MC2R: variants seen among roughly 807,000 people sequenced by gnomAD.
The protein encoded by MC2R is melanocortin 2 receptor.
In MC2R, 9 loss-of-function variants were observed where a neutral mutation model predicts 9.8. The observed-to-expected ratio is 0.92, with a 90% CI of 0.55 to 1.60. MC2R has a LOEUF of 1.60. MC2R is among the 40% of genes most tolerant of loss of function. MC2R has a pLI of 0.00. For missense variants in MC2R, 370 were observed against 389.0 expected (o/e 0.95, Z 0.41); for synonymous variants, 185 against 154.7 (o/e 1.20, Z -1.45).
Position 13,885,201 on chromosome 18 carries a change from G to A in MC2R, c.318C>T (p.Ile106=), listed in dbSNP as rs147706299. The change falls in exon 2 of 2, where the codon ATC becomes ATT. Residue 106 remains isoleucine (I), a synonymous_variant. Coordinates refer to ENST00000327606, the MANE Select transcript of MC2R (RefSeq NM_000529.2). ...GSFETTADDI[I]DSLFVLSLLG... ...GCAGGGAGAGGACAAACAGGGAGTCGATGATGTCATCGGCTGTGGTTTCAA... is the reference window on the plus strand; with the variant it reads ...GCAGGGAGAGGACAAACAGGGAGTCAATGATGTCATCGGCTGTGGTTTCAA... The A allele has an allele frequency of 9.7e-4, 1,569 of 1,614,168 alleles. 7 individuals are homozygous for A. The highest frequency in any genetic ancestry group is 7.9e-4 in the Non-Finnish European group (935 of 1,180,022).
chr18:13,891,738 C>T (rs987693307), intron 1 of MC2R, among the ~76,000 whole-genome samples: 2 of 151,966 alleles, frequency 1.3e-5, no homozygotes, highest in African/African-American at 4.8e-5. Flanking sequence ...TTCCTGCAGG[C>T]TCACAGCATT....
At chr18:13,898,476 C>A (rs1350187396) in intron 1 of MC2R, among the ~76,000 whole-genome samples, 1 of 152,222 alleles carries the variant, frequency 6.6e-6, no homozygotes, top group Admixed American at 6.5e-5. Flanking sequence ...AGACACAGGC[C>A]TGGCTGGCTT....
Position 13,885,580 on chromosome 18 carries a change from T to C in MC2R, c.-62A>G. 1 of 1,571,872 alleles carries C rather than the reference T, an allele frequency of 6.4e-7. No individual in the cohort carries two copies. The highest frequency in any genetic ancestry group is 1.1e-5 in the South Asian group (1 of 88,998). On this transcript the variant is annotated 5_prime_UTR_variant, in exon 2 of 2. Coordinates refer to ENST00000327606, the MANE Select transcript of MC2R (RefSeq NM_000529.2). ...GACTTGACTTCACGGAAAACTTGAT[T>C]GATTCTTCAGGATCTTTTCTTCCTT... is the stretch of plus-strand genomic sequence containing the variant.
At chr18:13,896,851 G>A (rs2045348698) in intron 1 of MC2R, among the ~76,000 whole-genome samples, 2 of 152,132 alleles carry the variant, frequency 1.3e-5, no homozygotes, top group African/African-American at 4.8e-5. Flanking sequence ...TAATAAACTG[G>A]TGATTAAAGA....
intron 1 of MC2R, among the ~76,000 whole-genome samples, chr18:13,900,512 C>T (rs1307026270): frequency 6.6e-6 from 1 of 152,044 alleles, no homozygotes; most frequent in Non-Finnish European, 1.5e-5. Flanking sequence ...AAGAAACACA[C>T]TTCACCTATA....
At chr18:13,886,597 C>T (rs879698369) in intron 1 of MC2R, among the ~76,000 whole-genome samples, 4 of 152,156 alleles carry the variant, frequency 2.6e-5, no homozygotes, top group Non-Finnish European at 5.9e-5. Context: ...TGTGGGATAA[C>T]GGTAAAGGTG....
rs542232333 is a variant in MC2R at position 13,898,753 on chromosome 18, G to T, written c.-128-13107C>A. 3.3e-5 allele frequency among the ~76,000 whole-genome samples: 5 copies of T among 152,330 alleles called. No individual in the cohort carries two copies. The South Asian group carries it at 1.0e-3, about 32-fold the overall frequency. On this transcript the variant is annotated intron_variant, in intron 1 of 1. Transcript: ENST00000327606. ...CTTGGTAATCCAGATAATTCTCCTGGATCTTGTCCAAGGCCATCAAGGTGG... is the reference window on the plus strand; with the variant it reads ...CTTGGTAATCCAGATAATTCTCCTGTATCTTGTCCAAGGCCATCAAGGTGG...
intron 1 of MC2R, among the ~76,000 whole-genome samples, chr18:13,906,720 A>G (rs193190485): frequency 6.6e-6 from 1 of 152,336 alleles, no homozygotes; most frequent in East Asian, 1.9e-4. Context: ...AAAATTAGTA[A>G]CACTTATATA....
chr18:13,887,577 G>A (rs2045284819), intron 1 of MC2R, among the ~76,000 whole-genome samples: 1 of 152,192 alleles, frequency 6.6e-6, no homozygotes, highest in Admixed American at 6.5e-5. Flanking sequence ...TGTGTCTGAG[G>A]GTGTTTCTGG....
chr18:13,910,153 C>A lies in MC2R; in HGVS notation c.-129+5335G>T, dbSNP rs188334983. ...TTCCTCATATGAACGTCCAATTGTT[C>A]CAGCACTGTTTGTTGAAAAGTCTAC... On this transcript the variant is annotated intron_variant, in intron 1 of 1. Transcript: ENST00000327606. Among the ~76,000 whole-genome samples, 3 of 152,292 alleles carry A rather than the reference C, an allele frequency of 2.0e-5. No individual in the cohort carries two copies. In the East Asian group the frequency reaches 5.8e-4, roughly 29 times the overall value.
At chr18:13,912,043 GT>G (rs1430733897) in intron 1 of MC2R, among the ~76,000 whole-genome samples, 6 of 152,030 alleles carry the variant, frequency 3.9e-5, no homozygotes, top group Non-Finnish European at 8.8e-5. Flanking sequence ...AGTGCTTTAG[GT>G]AATTCATTCT....
At chr18:13,892,914 C>T (rs1231314409) in intron 1 of MC2R, among the ~76,000 whole-genome samples, 1 of 152,088 alleles carries the variant, frequency 6.6e-6, no homozygotes, top group Admixed American at 6.5e-5. Flanking sequence ...GCAGCCTCAA[C>T]CTCCCGGGCT....
In MC2R at chr18:13,884,639, T is replaced by C. The variant is rs1371576560; in HGVS notation, c.880A>G (p.Ser294Gly). ...RDAFKKMIFC[S>G]RYW ...GATCAGCCATTCTACCAGTACCTGC[T>C]GCAGAAGATCATCTTTTTGAATGCG... The change falls in exon 2 of 2, where the codon AGC (serine) becomes GGC (glycine). Residue 294 changes from serine (S) to glycine (G), a missense_variant. Ser to Gly is a moderately conservative substitution (Grantham distance 56). Coordinates refer to ENST00000327606, the MANE Select transcript of MC2R (RefSeq NM_000529.2). The C allele has an allele frequency of 3.1e-6, 5 of 1,612,992 alleles. No individual in the cohort carries two copies. The highest frequency in any genetic ancestry group is 4.2e-6 in the Non-Finnish European group (5 of 1,180,046).
intron 1 of MC2R, among the ~76,000 whole-genome samples, chr18:13,904,355 TG>T (rs1168322947): frequency 1.5e-5 from 2 of 135,600 alleles, no homozygotes; most frequent in Non-Finnish European, 3.0e-5. Flanking sequence ...CACTCCAGCC[TG>T]GGTGACAGAG....
intron 1 of MC2R, among the ~76,000 whole-genome samples, chr18:13,900,255 C>T (rs187156282): frequency 1.3e-5 from 2 of 151,798 alleles, no homozygotes; most frequent in Admixed American, 1.3e-4. Flanking sequence ...AAAAAACATA[C>T]AATGGATACA....
intron 1 of MC2R, among the ~76,000 whole-genome samples, chr18:13,891,514 G>A (rs1328988971): frequency 6.6e-6 from 1 of 152,156 alleles, no homozygotes; most frequent in African/African-American, 2.4e-5. Flanking sequence ...CCTTCCATAG[G>A]GGCTATCCTG....
intron 1 of MC2R, among the ~76,000 whole-genome samples, chr18:13,890,695 T>C (rs1015031244): frequency 1.3e-5 from 2 of 152,188 alleles, no homozygotes; most frequent in African/African-American, 4.8e-5. Flanking sequence ...AATACACTTA[T>C]GTCTGTGTGT....
chr18:13,910,607 G>T (rs141637808), intron 1 of MC2R, among the ~76,000 whole-genome samples: 29 of 152,294 alleles, frequency 1.9e-4, no homozygotes, highest in African/African-American at 6.3e-4. Context: ...AAGTGCCTGA[G>T]GGGGAGCTTG....
Position 13,899,420 on chromosome 18 carries a change from T to C in MC2R, c.-128-13774A>G, listed in dbSNP as rs763951906. On this transcript the variant is annotated intron_variant, in intron 1 of 1. Transcript: ENST00000327606. The stretch of plus-strand genomic sequence containing the variant: ...AGAGTTATTGGTCTTAAAGAGGAGA[T>C]AGAGAAAGAGATAAGGGTAGAAAAT... Among the ~76,000 whole-genome samples the C allele has an allele frequency of 2.0e-5, 3 of 152,044 alleles. No individual in the cohort carries two copies. The South Asian group carries it at 6.2e-4, about 32-fold the overall frequency.
Sources: allele counts gnomAD v4.1 joint callset (sites outside exome capture counted in the v4.1 genomes callset), GRCh38; gene constraint gnomAD v4.1.1; transcripts MANE v1.5; gene names NCBI Gene and HGNC (gene_info 2026-07-23, HGNC 2026-07-21).